CELA2A: variants seen among roughly 807,000 people sequenced by gnomAD.
The protein encoded by CELA2A is chymotrypsin like elastase 2A.
CELA2A carries 31 observed loss-of-function variants against 35.3 expected under a neutral mutation model. The observed-to-expected ratio is 0.88, with a 90% CI of 0.66 to 1.19. CELA2A has a LOEUF of 1.19. CELA2A is among the 50% of genes most tolerant of loss of function. CELA2A has a pLI of 0.00. For synonymous variants in CELA2A, 150 were observed against 149.8 expected, an observed-to-expected ratio of 1.00 and a Z score of -0.01; for missense variants, 330 against 352.9, an observed-to-expected ratio of 0.94 and a Z score of 0.52.
chr1:15,469,997 G>C (rs1002246596), intron 7 of CELA2A, among the ~76,000 whole-genome samples: 1 of 152,148 alleles, frequency 6.6e-6, no homozygotes, highest in African/African-American at 2.4e-5. Context: ...AAGCACAACA[G>C]AACAGGCCAG....
intron 7 of CELA2A, among the ~76,000 whole-genome samples, chr1:15,471,400 TAGCC>T (rs1041932873): frequency 1.4e-4 from 22 of 152,124 alleles, no homozygotes; most frequent in African/African-American, 5.3e-4. Flanking sequence ...TGCAAAAAAT[TAGCC>T]AGGCATGGTG....
rs755369027 is a variant in CELA2A, at chr1:15,457,098, G to A, written c.53G>A (p.Gly18Glu). Residue 18 changes from glycine (G) to glutamate (E), a missense_variant, in exon 2 of 8, where the codon GGG becomes GAG. Gly to Glu is a moderately conservative substitution (Grantham distance 98). Transcript: ENST00000359621. ...STLVAGALSCGDPTYPPYVTR... is the reference protein window; with the variant it reads ...STLVAGALSCEDPTYPPYVTR... ...TCTCTTTTCACAGCCCTCAGTTGTGGGGACCCCACTTACCCACCTTATGTG... is the reference window on the plus strand; with the variant it reads ...TCTCTTTTCACAGCCCTCAGTTGTGAGGACCCCACTTACCCACCTTATGTG... 4 of 1,614,108 alleles carry A rather than the reference G, an allele frequency of 2.5e-6. No individual in the cohort carries two copies. In the South Asian group the frequency reaches 4.4e-5, roughly 18 times the overall value.
intron 2 of CELA2A, among the ~76,000 whole-genome samples, chr1:15,459,471 T>G (rs1378856064): frequency 2.0e-5 from 3 of 152,102 alleles, no homozygotes; most frequent in African/African-American, 7.2e-5. Flanking sequence ...GCCTCACAAT[T>G]TATATACTTG....
chr1:15,462,799 G>A lies in CELA2A; in HGVS notation c.294G>A (p.Leu98=), dbSNP rs1708454287. The change falls in exon 4 of 8, where the codon CTG becomes CTA. Residue 98 remains leucine (L), a synonymous_variant. Transcript: ENST00000359621. ...HNLYVAESGS[L]AVSVSKIVVH... Reference sequence around the variant, plus strand: ...TCTACGTTGCGGAGTCCGGCTCGCTGGCAGTCAGTGTCTCTAAGATTGTGG... The same window carrying A: ...TCTACGTTGCGGAGTCCGGCTCGCTAGCAGTCAGTGTCTCTAAGATTGTGG... The A allele has an allele frequency of 1.2e-6, 2 of 1,614,008 alleles. No homozygotes were observed. Among genetic ancestry groups the A allele is most frequent in the Admixed American group, 3.3e-5 (2 of 59,998 alleles).
intron 7 of CELA2A, among the ~76,000 whole-genome samples, chr1:15,468,226 A>T (rs1023633383): frequency 9.9e-5 from 15 of 152,100 alleles, no homozygotes; most frequent in Admixed American, 9.8e-4. Context: ...CCAAAACCTG[A>T]TATCCCCATA....
intron 2 of CELA2A, among the ~76,000 whole-genome samples, chr1:15,457,889 T>TG (rs1325066159): frequency 6.6e-6 from 1 of 152,108 alleles, no homozygotes; most frequent in Non-Finnish European, 1.5e-5. Flanking sequence ...ATGTTACCAA[T>TG]GAAAAAAATG....
chr1:15,456,799 T>A lies in CELA2A; in HGVS notation c.40+6T>A, dbSNP rs1708367014. On this transcript the variant is annotated splice_donor_region_variant and intron_variant, in intron 1 of 7. Transcript: ENST00000359621. Reference sequence around the variant, plus strand: ...GTCCACTTTGGTGGCTGGAGGTAAGTCCTGTTACCCAGAGGCACTGGTTTC... The same window carrying A: ...GTCCACTTTGGTGGCTGGAGGTAAGACCTGTTACCCAGAGGCACTGGTTTC... 1.2e-6 allele frequency: 2 copies of A among 1,614,120 alleles called. No individual in the cohort carries two copies. The highest frequency in any genetic ancestry group is 2.2e-5 in the South Asian group (2 of 91,076).
Position 15,466,070 on chromosome 1 carries a change from T to A in CELA2A, c.565T>A (p.Ser189Thr). 1 of 1,614,114 alleles carries A rather than the reference T, an allele frequency of 6.2e-7. No individual in the cohort carries two copies. Among genetic ancestry groups the A allele is most frequent in the Non-Finnish European group, 8.5e-7 (1 of 1,180,026 alleles). Residue 189 changes from serine to threonine, a missense_variant, in exon 6 of 8, where the codon TCT (serine) becomes ACT (threonine). By Grantham distance (58) the Ser-to-Thr change is moderately conservative. Coordinates refer to ENST00000359621, the MANE Select transcript of CELA2A (RefSeq NM_033440.3). ...LVVDYATCSSSAWWGSSVKTS... is the reference protein window; with the variant it reads ...LVVDYATCSSTAWWGSSVKTS... The stretch of plus-strand genomic sequence containing the variant: ...TGTGGACTATGCCACCTGCTCCAGC[T>A]CTGCCTGGTGGGGCAGCAGCGTGAA...
intron 2 of CELA2A, 156 bp downstream of exon 2, chr1:15,457,330 G>T (rs1030880774): frequency 1.4e-6 from 1 of 720,478 alleles, no homozygotes; most frequent in Admixed American, 2.4e-5. Context: ...ATATATTTCC[G>T]GCTGGGCGCA....
At position 15,462,066 on chromosome 1, in the gene CELA2A, G is replaced by T. The variant is rs1190836336; in HGVS notation, c.227+408G>T. On this transcript the variant is annotated intron_variant, in intron 3 of 7. Transcript: ENST00000359621. The stretch of plus-strand genomic sequence containing the variant: ...ATGAGTTGATTTACCAAAGGGCCTG[G>T]CACTTAGTAAGTGCTCAGTGAAAGC... 8.3e-6 allele frequency: 4 copies of T among 479,646 alleles called. No homozygotes were observed. In the East Asian group the frequency reaches 2.7e-4, roughly 32 times the overall value. The allele number at this position is 479,646 out of a possible 1,614,324, so 29.7% of individuals were successfully genotyped here.
At chr1:15,464,175 T>C (rs1708480304) in intron 5 of CELA2A, among the ~76,000 whole-genome samples, 1 of 152,122 alleles carries the variant, frequency 6.6e-6, no homozygotes, top group African/African-American at 2.4e-5. Flanking sequence ...GTCCCTATGA[T>C]GGAGAGAAAG....
chr1:15,467,477 A>C lies in CELA2A; in HGVS notation c.731A>C (p.Asn244Thr). The C allele has an allele frequency of 6.2e-7, 1 of 1,614,154 alleles. No homozygotes were observed. The highest frequency in any genetic ancestry group is 8.5e-7 in the Non-Finnish European group (1 of 1,180,032). ...AGCTTCGGGTCTCGCCTCGGCTGCA[A>C]CTACTACCACAAGCCCTCCGTCTTC... Reference protein sequence around the residue: ...IVSFGSRLGCNYYHKPSVFTR... With the variant: ...IVSFGSRLGCTYYHKPSVFTR... Residue 244 changes from asparagine to threonine, a missense_variant, in exon 7 of 8, where the codon AAC becomes ACC. Asn to Thr is a moderately conservative substitution (Grantham distance 65). Transcript: ENST00000359621.
Position 15,457,090 on chromosome 1 carries a change from C to T in CELA2A, c.45C>T (p.Leu15=). Reference sequence around the variant, plus strand: ...AGACCCTTTCTCTTTTCACAGCCCTCAGTTGTGGGGACCCCACTTACCCAC... The same window carrying T: ...AGACCCTTTCTCTTTTCACAGCCCTTAGTTGTGGGGACCCCACTTACCCAC... ...LLLSTLVAGA[L]SCGDPTYPPY... Residue 15 remains leucine, a synonymous_variant, in exon 2 of 8, where the codon CTC becomes CTT. Coordinates refer to ENST00000359621, the MANE Select transcript of CELA2A (RefSeq NM_033440.3). The T allele has an allele frequency of 1.9e-6, 3 of 1,614,042 alleles. No individual in the cohort carries two copies. Among genetic ancestry groups the T allele is most frequent in the Non-Finnish European group, 1.7e-6 (2 of 1,179,916 alleles).
In CELA2A at chr1:15,462,764, C is replaced by G; in HGVS notation, c.259C>G (p.Arg87Gly). ...SSRTYRVGLG[R>G]HNLYVAESGS... ...CAGGACCTACCGCGTGGGGCTGGGC[C>G]GGCACAACCTCTACGTTGCGGAGTC... The change falls in exon 4 of 8, where the codon CGG becomes GGG. Residue 87 changes from arginine (R) to glycine (G), a missense_variant. Coordinates refer to ENST00000359621, the MANE Select transcript of CELA2A (RefSeq NM_033440.3). 1 of 1,614,070 alleles carries G rather than the reference C, an allele frequency of 6.2e-7. No homozygotes were observed. The highest frequency in any genetic ancestry group is 1.1e-5 in the South Asian group (1 of 91,082).
At chr1:15,461,519 C>T (rs2103301703) in intron 2 of CELA2A, 42 bp from the exon 3 acceptor site, 1 of 1,608,692 alleles carries the variant, frequency 6.2e-7, no homozygotes, top group Non-Finnish European at 8.5e-7. Context: ...GGAGGCCCTG[C>T]TCTTTCAAAC....
In CELA2A at chr1:15,456,751, A is replaced by G; in HGVS notation, c.-3A>G. On this transcript the variant is annotated 5_prime_UTR_variant, in exon 1 of 8. Transcript: ENST00000359621. Reference sequence around the variant, plus strand: ...ACGCTTACAGAACTCCCACGGACACACCATGATAAGGACGCTGCTGCTGTC... The same window carrying G: ...ACGCTTACAGAACTCCCACGGACACGCCATGATAAGGACGCTGCTGCTGTC... The G allele has an allele frequency of 6.2e-7, 1 of 1,614,146 alleles. No individual in the cohort carries two copies. Among genetic ancestry groups the G allele is most frequent in the Non-Finnish European group, 8.5e-7 (1 of 1,180,014 alleles).
intron 5 of CELA2A, among the ~76,000 whole-genome samples, chr1:15,463,799 C>T (rs1448913410): frequency 1.3e-5 from 2 of 152,052 alleles, no homozygotes; most frequent in African/African-American, 4.8e-5. Context: ...CCTGTAATCC[C>T]AGCACTTTGG....
Position 15,456,790 on chromosome 1 carries a change from G to A in CELA2A, c.37G>A (p.Gly13Arg). The change falls in exon 1 of 8, where the codon GGA becomes AGA. Residue 13 changes from glycine (G) to arginine (R), a missense_variant. By Grantham distance (125) the Gly-to-Arg change is moderately radical. Transcript: ENST00000359621. ...RTLLLSTLVA[G>R]ALSCGDPTYP... ...GCTGCTGCTGTCCACTTTGGTGGCT[G>A]GAGGTAAGTCCTGTTACCCAGAGGC... 1 of 1,614,200 alleles carries A rather than the reference G, an allele frequency of 6.2e-7. No individual in the cohort carries two copies. Among genetic ancestry groups the A allele is most frequent in the Non-Finnish European group, 8.5e-7 (1 of 1,180,040 alleles).
At chr1:15,457,049 G>C in intron 1 of CELA2A, 37 bp from the exon 2 acceptor site, 1 of 1,580,752 alleles carries the variant, frequency 6.3e-7, no homozygotes, top group South Asian at 1.1e-5. Context: ...TGTGTGGGTC[G>C]CTGCTTCCTG....
Sources: allele counts gnomAD v4.1 joint callset (sites outside exome capture counted in the v4.1 genomes callset), GRCh38; gene constraint gnomAD v4.1.1; transcripts MANE v1.5; gene names NCBI Gene and HGNC (gene_info 2026-07-23, HGNC 2026-07-21).